Variants in CSMD1 observed in about 807,000 individuals in gnomAD.
CSMD1 encodes CUB and sushi domain-containing protein 1.
A neutral mutation model predicts 417.5 loss-of-function variants in CSMD1; 213 were observed. The observed-to-expected ratio is 0.51, with a 90% CI of 0.46 to 0.57. The LOEUF (loss-of-function observed/expected upper bound fraction) is 0.57. CSMD1 is among the 20% of genes least tolerant of loss of function. The pLI, the probability that CSMD1 is intolerant of heterozygous loss-of-function variation, is 0.00. For synonymous variants in CSMD1, 2,862 were observed against 1,736.8 expected, an observed-to-expected ratio of 1.65 and a Z score of -16.11; for missense variants, 6,923 against 4,529.7, an observed-to-expected ratio of 1.53 and a Z score of -15.17.
chr8:3,878,270 A>G (rs1805964249), intron 5 of CSMD1, among the ~76,000 whole-genome samples: 1 of 152,198 alleles, frequency 6.6e-6, no homozygotes, highest in Non-Finnish European at 1.5e-5. Flanking sequence ...ATTTCCAGGA[A>G]TGGGACTAAA....
chr8:4,410,087 T>A (rs2128934113), intron 3 of CSMD1, among the ~76,000 whole-genome samples: 1 of 152,308 alleles, frequency 6.6e-6, no homozygotes, highest in East Asian at 1.9e-4. Context: ...GTGCTGGGAT[T>A]ACAGCCATGA....
In CSMD1 at chr8:4,626,640, G is replaced by A. The variant is rs1365717972; in HGVS notation, c.302+10702C>T. Among the ~76,000 whole-genome samples, 5 of 152,168 alleles carry A rather than the reference G, an allele frequency of 3.3e-5. 1 individual carries two copies. Among genetic ancestry groups the A allele is most frequent in the South Asian group, 4.1e-4 (2 of 4,824 alleles). On this transcript the variant is annotated intron_variant, in intron 2 of 69. Transcript: ENST00000635120. ...GGGGCAGGGTGTGGGAGGGCAGGGCGCCAGCTTGATTCTGAGGAAGAGCTC... is the reference window on the plus strand; with the variant it reads ...GGGGCAGGGTGTGGGAGGGCAGGGCACCAGCTTGATTCTGAGGAAGAGCTC...
intron 3 of CSMD1, among the ~76,000 whole-genome samples, chr8:4,281,636 G>C (rs1413134139): frequency 1.3e-5 from 2 of 152,018 alleles, no homozygotes; most frequent in Admixed American, 1.3e-4. Context: ...CTTTTATGTT[G>C]GGCTTTCTTA....
intron 11 of CSMD1, among the ~76,000 whole-genome samples, chr8:3,478,901 G>C (rs1483821525): frequency 8.5e-5 from 13 of 152,090 alleles, no homozygotes; most frequent in Non-Finnish European, 1.8e-4. Context: ...GTGTGAGACT[G>C]AGTCTCTTCC....
chr8:4,249,373 T>C (rs1455397013), intron 3 of CSMD1, among the ~76,000 whole-genome samples: 1 of 152,244 alleles, frequency 6.6e-6, no homozygotes, highest in African/African-American at 2.4e-5. Flanking sequence ...ATGTTTCATG[T>C]AGCATATTCC....
intron 49 of CSMD1, among the ~76,000 whole-genome samples, chr8:3,065,762 A>G (rs1482895965): frequency 1.3e-5 from 2 of 152,260 alleles, no homozygotes; most frequent in African/African-American, 4.8e-5. Context: ...AAAATATAAA[A>G]GGAAAATTAG....
At chr8:4,177,086 G>C (rs1243384399) in intron 3 of CSMD1, among the ~76,000 whole-genome samples, 2 of 152,134 alleles carry the variant, frequency 1.3e-5, no homozygotes, top group Non-Finnish European at 1.5e-5. Context: ...GGACCTAATA[G>C]ACATCTACAG....
chr8:3,520,880 G>A (rs1479240870), intron 10 of CSMD1, among the ~76,000 whole-genome samples: 1 of 152,058 alleles, frequency 6.6e-6, no homozygotes, highest in Admixed American at 6.5e-5. Flanking sequence ...TGTCACCCTT[G>A]TGTCTAGCAC....
At chr8:3,931,597 A>C (rs1397120348) in intron 5 of CSMD1, among the ~76,000 whole-genome samples, 2 of 149,950 alleles carry the variant, frequency 1.3e-5, no homozygotes, top group African/African-American at 4.9e-5. Context: ...AATTGCCTCA[A>C]ATCATTGCGC....
rs144965561 is a variant in CSMD1 at position 3,651,345 on chromosome 8, CA to C, written c.1010-34549del. On this transcript the variant is annotated intron_variant, in intron 7 of 69. Coordinates refer to ENST00000635120, the MANE Select transcript of CSMD1 (RefSeq NM_033225.6). Reference sequence around the variant, plus strand: ...CCAGACAAGATCTAGTCCCCACCCCCACACACTTCACATAGGTCTTCTGTCT... The same window carrying C: ...CCAGACAAGATCTAGTCCCCACCCCCCACACTTCACATAGGTCTTCTGTCT... Among the ~76,000 whole-genome samples the C allele has an allele frequency of 8.7e-3, 1,324 of 152,240 alleles. 8 individuals are homozygous for C. Among genetic ancestry groups the C allele is most frequent in the South Asian group, 0.016 (77 of 4,822 alleles).
At chr8:3,855,360 T>C (rs1197965679) in intron 5 of CSMD1, among the ~76,000 whole-genome samples, 1 of 152,178 alleles carries the variant, frequency 6.6e-6, no homozygotes. Flanking sequence ...ATCCTAATTT[T>C]AATTTGCTAG....
At chr8:3,646,322 G>C (rs534757273) in intron 7 of CSMD1, among the ~76,000 whole-genome samples, 1 of 152,126 alleles carries the variant, frequency 6.6e-6, no homozygotes, top group East Asian at 1.9e-4. Flanking sequence ...CTAAAATATA[G>C]AAGATATTAA....
At chr8:3,850,468 G>A (rs953768829) in intron 5 of CSMD1, among the ~76,000 whole-genome samples, 7 of 152,152 alleles carry the variant, frequency 4.6e-5, no homozygotes, top group East Asian at 1.9e-4. Flanking sequence ...GCTGAGGCAG[G>A]CAGATAACTT....
Position 4,341,118 on chromosome 8 carries a change from C to T in CSMD1, c.415+78835G>A, listed in dbSNP as rs28380213. Among the ~76,000 whole-genome samples the T allele has an allele frequency of 5.8e-3, 876 of 152,126 alleles. 6 individuals carry two copies. Among genetic ancestry groups the T allele is most frequent in the African/African-American group, 0.02 (832 of 41,530 alleles). On this transcript the variant is annotated intron_variant, in intron 3 of 69. Coordinates refer to ENST00000635120, the MANE Select transcript of CSMD1 (RefSeq NM_033225.6). ...TAGAGATATCTCATTTCCAATACAT[C>T]GTTGCCTAGGTAACAAGGCCTATCC...
At chr8:3,821,801 C>A (rs924967154) in intron 5 of CSMD1, among the ~76,000 whole-genome samples, 2 of 151,918 alleles carry the variant, frequency 1.3e-5, no homozygotes, top group African/African-American at 4.8e-5. Context: ...AACAAGCAAA[C>A]AAACAAACAA....
chr8:4,353,219 C>G (rs573952977), intron 3 of CSMD1, among the ~76,000 whole-genome samples: 13 of 152,112 alleles, frequency 8.5e-5, no homozygotes, highest in Admixed American at 7.9e-4. Context: ...ACAAGTGAAT[C>G]ATGACGACGG....
In CSMD1 at chr8:4,168,845, C is replaced by G. The variant is rs529111875; in HGVS notation, c.416-136746G>C. The stretch of plus-strand genomic sequence containing the variant: ...ATTCCGGCTCTCTGTTGTCTTCAGC[C>G]TCCACCACAGTTGCTTTAGACACGG... On this transcript the variant is annotated intron_variant, in intron 3 of 69. Coordinates refer to ENST00000635120, the MANE Select transcript of CSMD1 (RefSeq NM_033225.6). 4.6e-4 allele frequency among the ~76,000 whole-genome samples: 70 copies of G among 152,198 alleles called. 1 individual carries two copies. The highest frequency in any genetic ancestry group is 1.6e-3 in the African/African-American group (65 of 41,492).
chr8:3,842,681 T>C lies in CSMD1; in HGVS notation c.819-88639A>G, dbSNP rs1022849802. Among the ~76,000 whole-genome samples the C allele has an allele frequency of 2.0e-5, 3 of 152,076 alleles. No individual in the cohort carries two copies. In the East Asian group the frequency reaches 5.8e-4, roughly 29 times the overall value. On this transcript the variant is annotated intron_variant, in intron 5 of 69. Coordinates refer to ENST00000635120, the MANE Select transcript of CSMD1 (RefSeq NM_033225.6). ...AATTATGTTGCATTTCAAAGAGCATTTGAAACTAAAACCAAACTAATGAGA... is the reference window on the plus strand; with the variant it reads ...AATTATGTTGCATTTCAAAGAGCATCTGAAACTAAAACCAAACTAATGAGA...
intron 1 of CSMD1, among the ~76,000 whole-genome samples, chr8:4,761,743 T>C (rs999430788): frequency 9.2e-5 from 14 of 152,276 alleles, no homozygotes; most frequent in African/African-American, 3.1e-4. Flanking sequence ...GGCAGAATTA[T>C]ATTTAACTAC....
Sources: gnomAD v4.1 joint callset for allele counts (sites outside exome capture counted in the v4.1 genomes callset) on GRCh38, gnomAD v4.1.1 for gene constraint, MANE v1.5 for transcripts, NCBI Gene and HGNC (gene_info 2026-07-23, HGNC 2026-07-21) for gene names.